Variants in HOOK3 observed in about 807,000 individuals in gnomAD.
HOOK3 encodes the protein protein Hook homolog 3.
Under a neutral mutation model 116.3 loss-of-function variants are expected in HOOK3, and 24 were observed. The ratio of observed to expected loss-of-function variants is 0.21; its 90% CI spans 0.15 to 0.29. The LOEUF (loss-of-function observed/expected upper bound fraction) is 0.29. Ranked by LOEUF, HOOK3 falls within the 10% of genes least tolerant of loss-of-function variation. The probability of loss-of-function intolerance (pLI) is 1.00; values close to 1 mark genes in which losing one functional copy is unlikely to be tolerated. For synonymous variants in HOOK3, 275 were observed against 283.0 expected (o/e 0.97, Z 0.28); for missense variants, 632 against 830.2 (o/e 0.76, Z 2.93).
Position 42,974,134 on chromosome 8 carries a change from A to C in HOOK3, c.1261A>C (p.Lys421Gln). 6.2e-7 allele frequency: 1 copy of C among 1,613,978 alleles called. No homozygotes were observed. The highest frequency in any genetic ancestry group is 8.5e-7 in the Non-Finnish European group (1 of 1,179,820). ...GCTGAGAACAGAAAGGGATTCTCTG[A>C]AGGAAACCATTGAAGAGCTTCGTTG... is the stretch of plus-strand genomic sequence containing the variant. The part of the protein sequence containing the change: ...DRLRTERDSL[K>Q]ETIEELRCVQ... The change falls in exon 13 of 22, where the codon AAG (lysine) becomes CAG (glutamine). Residue 421 changes from lysine (K) to glutamine (Q), a missense_variant. Lys to Gln is a moderately conservative substitution (Grantham distance 53). Around this residue, in one of 3 missense-constraint regions of HOOK3, gnomAD observed 483 missense variants for 648.1 expected, o/e 0.75. Transcript: ENST00000307602.
chr8:42,915,073 C>CT (rs996023550), intron 2 of HOOK3, among the ~76,000 whole-genome samples: 3 of 152,142 alleles, frequency 2.0e-5, no homozygotes, highest in African/African-American at 7.2e-5. Context: ...CTAATTTTCC[C>CT]TAGATAAGGA....
At chr8:43,001,213 C>T (rs1397662300) in intron 16 of HOOK3, 1 of 151,460 alleles carries the variant, frequency 6.6e-6, no homozygotes. Context: ...CTATAGTTAA[C>T]ATATTGAGGA....
chr8:42,939,890 CCGGG>C (rs1808070348), intron 4 of HOOK3, among the ~76,000 whole-genome samples: 1 of 151,264 alleles, frequency 6.6e-6, no homozygotes. Context: ...CGATGGGCGG[CCGGG>C]CAGAGACACT....
At chr8:42,940,654 C>T (rs563439641) in intron 4 of HOOK3, among the ~76,000 whole-genome samples, 3 of 152,262 alleles carry the variant, frequency 2.0e-5, no homozygotes, top group South Asian at 2.1e-4. Context: ...GTGGGCAACC[C>T]GACTTTTCTC....
chr8:42,908,522 T>A (rs1385039752), intron 2 of HOOK3, among the ~76,000 whole-genome samples: 1 of 152,226 alleles, frequency 6.6e-6, no homozygotes, highest in Non-Finnish European at 1.5e-5. Flanking sequence ...TATAGTCAGT[T>A]GATTTTCCAC....
At chr8:42,900,558 C>T (rs534280434) in intron 1 of HOOK3, among the ~76,000 whole-genome samples, 1 of 152,192 alleles carries the variant, frequency 6.6e-6, no homozygotes, top group African/African-American at 2.4e-5. Context: ...GGTGGTATCT[C>T]CCCCATTCCA....
At chr8:42,911,694 A>T (rs1271771790) in intron 2 of HOOK3, among the ~76,000 whole-genome samples, 1 of 152,208 alleles carries the variant, frequency 6.6e-6, no homozygotes, top group South Asian at 2.1e-4. Flanking sequence ...TCAAAATGGT[A>T]TATAAAATCA....
intron 15 of HOOK3, among the ~76,000 whole-genome samples, chr8:42,992,952 T>G (rs1809195804): frequency 6.6e-6 from 1 of 152,154 alleles, no homozygotes; most frequent in East Asian, 1.9e-4. Flanking sequence ...GGGTCTCTCG[T>G]ATGTAACTTT....
chr8:42,913,554 A>C (rs567728557), intron 2 of HOOK3, among the ~76,000 whole-genome samples: 1 of 152,352 alleles, frequency 6.6e-6, no homozygotes, highest in Middle Eastern at 3.4e-3. Flanking sequence ...TGGGGCTGTT[A>C]CAGATAAAGG....
intron 8 of HOOK3, among the ~76,000 whole-genome samples, chr8:42,959,841 G>A (rs1431112328): frequency 6.6e-6 from 1 of 152,122 alleles, no homozygotes. Flanking sequence ...ACTAAAGAGG[G>A]GGACATACAT....
chr8:42,950,567 T>A (rs1397332281), intron 6 of HOOK3, 112 bp downstream of exon 6: 1 of 604,454 alleles, frequency 1.7e-6, no homozygotes, highest in African/African-American at 1.8e-5. Flanking sequence ...AAAGAGTTTT[T>A]ACTTTGCATT....
chr8:43,017,527 A>G (rs557675303), intron 21 of HOOK3, among the ~76,000 whole-genome samples: 12 of 152,190 alleles, frequency 7.9e-5, no homozygotes, highest in African/African-American at 2.9e-4. Context: ...TAGCCTCCCA[A>G]AGTGCTGGGG....
chr8:42,940,525 G>C (rs775955487), intron 4 of HOOK3, among the ~76,000 whole-genome samples: 49 of 150,684 alleles, frequency 3.3e-4, no homozygotes, highest in African/African-American at 7.7e-4. Context: ...GGGACAGGGA[G>C]AGGGAGAGGG....
At chr8:42,898,210 T>G (rs1442705208) in intron 1 of HOOK3, among the ~76,000 whole-genome samples, 1 of 152,212 alleles carries the variant, frequency 6.6e-6, no homozygotes, top group Non-Finnish European at 1.5e-5. Flanking sequence ...ACGTTGGTTG[T>G]TAAAAAAATT....
chr8:43,016,017 A>G (rs1338947739), intron 21 of HOOK3, among the ~76,000 whole-genome samples: 7 of 151,956 alleles, frequency 4.6e-5, no homozygotes, highest in Non-Finnish European at 7.4e-5. Flanking sequence ...ACCGAGCCCA[A>G]TAATCTCATA....
chr8:42,903,829 G>A (rs1408437721), intron 1 of HOOK3, among the ~76,000 whole-genome samples: 1 of 151,704 alleles, frequency 6.6e-6, no homozygotes, highest in African/African-American at 2.4e-5. Flanking sequence ...GGTAGCGGGC[G>A]CCTGTATTCC....
intron 1 of HOOK3, among the ~76,000 whole-genome samples, chr8:42,899,961 A>G (rs974283450): frequency 6.6e-6 from 1 of 152,320 alleles, no homozygotes; most frequent in South Asian, 2.1e-4. Flanking sequence ...CATTTTAGAA[A>G]TTATTCCACT....
chr8:43,002,059 T>TTTAG, intron 16 of HOOK3, 48 bp from the exon 17 acceptor site: 1 of 1,206,108 alleles, frequency 8.3e-7, no homozygotes, highest in Non-Finnish European at 1.2e-6. Context: ...AAAATACTAT[T>TTTAG]TTAGTTAAAA....
chr8:42,976,359 A>G lies in HOOK3; in HGVS notation c.1321+2165A>G, dbSNP rs147757503. On this transcript the variant is annotated intron_variant, in intron 13 of 21. Transcript: ENST00000307602. Reference sequence around the variant, plus strand: ...CCCACCCCAACAAAAAAAATTTAAAAATTAGCTGGGTATGGTGGTGTGTGC... The same window carrying G: ...CCCACCCCAACAAAAAAAATTTAAAGATTAGCTGGGTATGGTGGTGTGTGC... Among the ~76,000 whole-genome samples, 1,078 of 152,088 alleles carry G rather than the reference A, an allele frequency of 7.1e-3. 8 individuals are homozygous for G. Among genetic ancestry groups the G allele is most frequent in the Middle Eastern group, 0.02 (6 of 294 alleles).
Sources: allele counts gnomAD v4.1 joint callset (sites outside exome capture counted in the v4.1 genomes callset), GRCh38; gene constraint gnomAD v4.1.1; regional missense constraint gnomAD v4.1.1; transcripts MANE v1.5; gene names NCBI Gene and HGNC (gene_info 2026-07-23, HGNC 2026-07-21).